The following CNOT10 variants were observed in gnomAD, a reference collection of about 807,000 sequenced individuals.
CNOT10 encodes the protein CCR4-NOT transcription complex, subunit 10.
CNOT10 carries 30 observed loss-of-function variants against 94.6 expected under a neutral mutation model. The observed-to-expected ratio is 0.32, with a 90% CI of 0.24 to 0.43. The LOEUF is 0.43. Ranked by LOEUF, CNOT10 falls within the 20% of genes least tolerant of loss-of-function variation. The probability of loss-of-function intolerance (pLI) is 1.00; values close to 1 mark genes in which losing one functional copy is unlikely to be tolerated. For synonymous variants in CNOT10, 289 were observed against 301.6 expected (o/e 0.96, Z 0.43); for missense variants, 759 against 877.2 (o/e 0.87, Z 1.70).
At chr3:32,691,203 C>T (rs1559473726) in intron 1 of CNOT10, among the ~76,000 whole-genome samples, 1 of 150,078 alleles carries the variant, frequency 6.7e-6, no homozygotes, top group Non-Finnish European at 1.5e-5. Flanking sequence ...ACTCTGTTGC[C>T]CAGGCTGGAG....
intron 13 of CNOT10, among the ~76,000 whole-genome samples, chr3:32,757,724 C>T (rs1326648995): frequency 6.6e-6 from 1 of 152,136 alleles, no homozygotes; most frequent in Non-Finnish European, 1.5e-5. Context: ...GCCTCTGGTC[C>T]CTGAGTCTTC....
intron 1 of CNOT10, among the ~76,000 whole-genome samples, chr3:32,694,603 G>T (rs76636534): frequency 1.0e-3 from 153 of 151,978 alleles, no homozygotes; most frequent in African/African-American, 3.6e-3. Flanking sequence ...TTGTTTGTTT[G>T]TTTTTTGAGG....
At position 32,738,908 on chromosome 3, in the gene CNOT10, C is replaced by CT. The variant is rs767544887; in HGVS notation, c.1595+1432dup. Among the ~76,000 whole-genome samples, 838 of 137,354 alleles carry CT rather than the reference C, an allele frequency of 6.1e-3. 6 individuals carry two copies. The highest frequency in any genetic ancestry group is 0.016 in the African/African-American group (616 of 37,646). 90.1% of individuals were successfully genotyped at this position (137,354 alleles called of 152,430 possible). A position where few individuals can be genotyped will look rare whatever the true frequency, so the allele number is the denominator to read the frequency against. On this transcript the variant is annotated intron_variant, in intron 13 of 18. Transcript: ENST00000328834. The stretch of plus-strand genomic sequence containing the variant: ...CTGCAGTTATACCTCTATTTTCTTT[C>CT]TTTTTTTTTTTTTTGAGTTGGAGTT...
intron 13 of CNOT10, among the ~76,000 whole-genome samples, chr3:32,741,065 T>C (rs912008780): frequency 5.3e-5 from 8 of 152,048 alleles, no homozygotes; most frequent in Non-Finnish European, 1.0e-4. Context: ...CCATACCCAC[T>C]TCCACTCCTG....
chr3:32,737,529 A>G, intron 13 of CNOT10, 39 bp downstream of exon 13: 2 of 1,330,988 alleles, frequency 1.5e-6, no homozygotes, highest in Non-Finnish European at 2.2e-6. Flanking sequence ...ATCTATTGAA[A>G]TGAACATATT....
chr3:32,735,966 T>G (rs919183868), intron 12 of CNOT10, among the ~76,000 whole-genome samples: 1 of 152,068 alleles, frequency 6.6e-6, no homozygotes, highest in Non-Finnish European at 1.5e-5. Context: ...TAAATAAAAA[T>G]TATGTGACTA....
At chr3:32,745,873 T>C (rs1450199068) in intron 13 of CNOT10, among the ~76,000 whole-genome samples, 2 of 152,124 alleles carry the variant, frequency 1.3e-5, no homozygotes, top group South Asian at 4.1e-4. Context: ...CACCTGTAGC[T>C]CCAGCTGCTC....
chr3:32,720,422 G>A (rs1306916842), intron 8 of CNOT10, among the ~76,000 whole-genome samples, 191 bp downstream of exon 8: 1 of 151,976 alleles, frequency 6.6e-6, no homozygotes, highest in African/African-American at 2.4e-5. Context: ...ATTACTTCTT[G>A]CTTTCACTTT....
At chr3:32,686,578 G>C (rs1028199338) in intron 1 of CNOT10, among the ~76,000 whole-genome samples, 21 of 152,180 alleles carry the variant, frequency 1.4e-4, no homozygotes, top group African/African-American at 5.1e-4. Context: ...TTCAGGGAAG[G>C]CCTCTGGTGA....
Position 32,773,746 on chromosome 3 carries a change from C to G in CNOT10, c.*135C>G. On this transcript the variant is annotated 3_prime_UTR_variant, in exon 19 of 19. Coordinates refer to ENST00000328834, the MANE Select transcript of CNOT10 (RefSeq NM_015442.3). ...GTCAATTCTACCCCTGACATTTGGC[C>G]AAAAGCTTACTTAAAATTAAGGATT... The G allele has an allele frequency of 1.3e-6, 1 of 785,222 alleles. No homozygotes were observed. Among genetic ancestry groups the G allele is most frequent in the Non-Finnish European group, 1.9e-6 (1 of 530,696 alleles). The allele number at this position is 785,222 out of a possible 1,614,324, so 48.6% of individuals were successfully genotyped here.
intron 13 of CNOT10, among the ~76,000 whole-genome samples, chr3:32,755,384 T>C (rs1700186065): frequency 6.7e-6 from 1 of 149,798 alleles, no homozygotes; most frequent in South Asian, 2.1e-4. Flanking sequence ...AATGGCATGA[T>C]CTCAGCTCAC....
intron 1 of CNOT10, among the ~76,000 whole-genome samples, chr3:32,701,118 T>TA (rs1697322454): frequency 6.6e-6 from 1 of 151,796 alleles, no homozygotes. Flanking sequence ...CTACTAAAAA[T>TA]AAAAAAATTA....
rs200528624 is a variant in CNOT10, at chr3:32,727,885, G to A, written c.1215+15G>A. ...CCAATAAGGGGGTGAGTGCTACTTG[G>A]GTATCTTTTTAAACCCTGTCTTCTC... On this transcript the variant is annotated intron_variant, in intron 10 of 18. Coordinates refer to ENST00000328834, the MANE Select transcript of CNOT10 (RefSeq NM_015442.3). 8.1e-6 allele frequency: 13 copies of A among 1,601,614 alleles called. No individual in the cohort carries two copies. The East Asian group carries it at 9.0e-5, about 11-fold the overall frequency.
chr3:32,722,316 T>C (rs1012050265), intron 8 of CNOT10, among the ~76,000 whole-genome samples: 2 of 152,188 alleles, frequency 1.3e-5, no homozygotes. Flanking sequence ...CTTATAATTC[T>C]CTTGTGGGTA....
intron 18 of CNOT10, 28 bp downstream of exon 18, chr3:32,769,990 T>C (rs746127493): frequency 5.7e-6 from 9 of 1,576,846 alleles, no homozygotes; most frequent in Non-Finnish European, 7.8e-6. Flanking sequence ...TTTAGGACTT[T>C]ATCCCTTGAA....
At chr3:32,759,433 C>T (rs370520250) in intron 13 of CNOT10, 25 bp from the exon 14 acceptor site, 47 of 1,486,880 alleles carry the variant, frequency 3.2e-5, no homozygotes, top group South Asian at 4.7e-5. Context: ...ATGAGATTTT[C>T]GGCCCCTTCC....
At chr3:32,720,518 T>TA (rs1424100590) in intron 8 of CNOT10, among the ~76,000 whole-genome samples, 3 of 151,426 alleles carry the variant, frequency 2.0e-5, no homozygotes, top group South Asian at 4.2e-4. Flanking sequence ...TTTTATTTTA[T>TA]TTTTTTGGAA....
chr3:32,704,945 A>G lies in CNOT10; in HGVS notation c.252A>G (p.Arg84=). Residue 84 remains arginine, a synonymous_variant, in exon 3 of 19, where the codon AGA becomes AGG. Transcript: ENST00000328834. The part of the protein sequence containing the change: ...KSNQTTTDNL[R]QTLNQLKNQV... ...ACCAAACAACAACAGATAATTTGAGACAAACACTTAACCAGCTGAAGAATC... is the reference window on the plus strand; with the variant it reads ...ACCAAACAACAACAGATAATTTGAGGCAAACACTTAACCAGCTGAAGAATC... 1.9e-6 allele frequency: 3 copies of G among 1,547,022 alleles called. No individual in the cohort carries two copies. The highest frequency in any genetic ancestry group is 8.6e-7 in the Non-Finnish European group (1 of 1,158,858).
chr3:32,695,837 CA>C, intron 1 of CNOT10: 1 of 1,529,836 alleles, frequency 6.5e-7, no homozygotes, highest in Non-Finnish European at 8.8e-7. Flanking sequence ...GGTAAGAAGT[CA>C]GTAGTTATAA....
Sources: allele counts gnomAD v4.1 joint callset (sites outside exome capture counted in the v4.1 genomes callset), GRCh38; gene constraint gnomAD v4.1.1; transcripts MANE v1.5; gene names NCBI Gene and HGNC (gene_info 2026-07-23, HGNC 2026-07-21).